The following TCERG1L variants were observed in gnomAD, a reference collection of about 807,000 sequenced individuals.
The protein encoded by TCERG1L is transcription elongation regulator 1 like.
A neutral mutation model predicts 56.3 loss-of-function variants in TCERG1L; 37 were observed. That is an observed-to-expected ratio of 0.66 (90% CI 0.51 to 0.87). TCERG1L has a LOEUF of 0.87. Ranked by LOEUF, TCERG1L falls within the 40% of genes least tolerant of loss-of-function variation. TCERG1L has a pLI of 0.00. For synonymous variants in TCERG1L, 324 were observed against 326.3 expected, an observed-to-expected ratio of 0.99 and a Z score of 0.08; for missense variants, 799 against 774.2, an observed-to-expected ratio of 1.03 and a Z score of -0.38.
At chr10:131,134,789 G>A (rs977321733) in intron 7 of TCERG1L, among the ~76,000 whole-genome samples, 2 of 152,148 alleles carry the variant, frequency 1.3e-5, no homozygotes, top group Admixed American at 6.5e-5. Flanking sequence ...TCTATGTCAT[G>A]TTCTTGAGAG....
chr10:131,106,645 G>A (rs373783625), intron 9 of TCERG1L, among the ~76,000 whole-genome samples: 114 of 152,208 alleles, frequency 7.5e-4, no homozygotes, highest in African/African-American at 2.7e-3. Context: ...AGACAGGAGA[G>A]AAGAAAATTC....
At chr10:131,186,271 G>C (rs541387323) in intron 4 of TCERG1L, among the ~76,000 whole-genome samples, 1 of 152,270 alleles carries the variant, frequency 6.6e-6, no homozygotes, top group South Asian at 2.1e-4. Flanking sequence ...AACATGTTTT[G>C]GAAGTAGATG....
At chr10:131,124,602 G>C (rs1845546424) in intron 8 of TCERG1L, among the ~76,000 whole-genome samples, 1 of 152,180 alleles carries the variant, frequency 6.6e-6, no homozygotes, top group South Asian at 2.1e-4. Flanking sequence ...CAGGAGCGGA[G>C]AGCAAGACTT....
chr10:131,297,622 T>C (rs1338554613), intron 3 of TCERG1L, among the ~76,000 whole-genome samples: 10 of 152,182 alleles, frequency 6.6e-5, no homozygotes, highest in Admixed American at 6.5e-4. Flanking sequence ...TCATTTTATT[T>C]TCTGAACAAG....
intron 5 of TCERG1L, among the ~76,000 whole-genome samples, chr10:131,163,736 C>T (rs1020552036): frequency 6.6e-6 from 1 of 152,188 alleles, no homozygotes; most frequent in African/African-American, 2.4e-5. Flanking sequence ...CCGCCCTTCC[C>T]AAACATCCAG....
rs192878169 is a variant in TCERG1L at position 131,311,483 on chromosome 10, C to T, written c.153G>A (p.Arg51=). The change falls in exon 1 of 12, where the codon CGG becomes CGA. Residue 51 remains arginine (R), a synonymous_variant. Coordinates refer to ENST00000368642, the MANE Select transcript of TCERG1L (RefSeq NM_174937.4). The surrounding 1 kb of genome is among the most constrained non-coding windows in gnomAD (Gnocchi z 4.0). Reference sequence around the variant, plus strand: ...GGGGAACCACGACCCCCGCGCTGAGCCGGAGCAGCCCGGCCGAGCCCGGCA... The same window carrying T: ...GGGGAACCACGACCCCCGCGCTGAGTCGGAGCAGCCCGGCCGAGCCCGGCA... ...WMVPGSAGLL[R]LSAGVVVPPV... 2,617 of 1,189,936 alleles carry T rather than the reference C, an allele frequency of 2.2e-3. 72 individuals carry two copies. The East Asian group carries it at 0.064, about 29-fold the overall frequency. The allele number at this position is 1,189,936 out of a possible 1,614,324, so 73.7% of individuals were successfully genotyped here.
At chr10:131,161,423 T>A (rs532801913) in intron 6 of TCERG1L, 1 of 152,372 alleles carries the variant, frequency 6.6e-6, no homozygotes, top group Non-Finnish European at 1.5e-5. Context: ...AGCAGAGGGA[T>A]GTATACGGTC....
chr10:131,285,546 G>T (rs1846527951), intron 3 of TCERG1L, among the ~76,000 whole-genome samples: 1 of 143,286 alleles, frequency 7.0e-6, no homozygotes, highest in Non-Finnish European at 1.5e-5. Flanking sequence ...AGAAAAGAAA[G>T]AAAGGAAGGA....
chr10:131,238,158 A>T (rs1407943781), intron 4 of TCERG1L, among the ~76,000 whole-genome samples: 1 of 152,084 alleles, frequency 6.6e-6, no homozygotes, highest in East Asian at 1.9e-4. Flanking sequence ...CTAGATCTGC[A>T]GTCTGGAAAG....
intron 4 of TCERG1L, among the ~76,000 whole-genome samples, chr10:131,223,612 A>G (rs1257737232): frequency 2.0e-5 from 3 of 152,018 alleles, no homozygotes; most frequent in Non-Finnish European, 4.4e-5. Flanking sequence ...CCACATGCTC[A>G]CACACACTGA....
At chr10:131,300,483 T>C (rs1386159712) in intron 3 of TCERG1L, among the ~76,000 whole-genome samples, 1 of 152,222 alleles carries the variant, frequency 6.6e-6, no homozygotes, top group Non-Finnish European at 1.5e-5. Context: ...AATTCTTGGC[T>C]GTATCACATC....
intron 8 of TCERG1L, among the ~76,000 whole-genome samples, chr10:131,123,199 C>G (rs1489605510): frequency 6.6e-6 from 1 of 152,178 alleles, no homozygotes; most frequent in Non-Finnish European, 1.5e-5. Flanking sequence ...AGGCCCCTGC[C>G]CTCACCAGGC....
intron 4 of TCERG1L, among the ~76,000 whole-genome samples, chr10:131,187,457 G>C (rs2918110): frequency 0.72 from 110,055 of 151,988 alleles, 40,428 homozygotes; most frequent in South Asian, 0.89. Context: ...ACCTGGCCAT[G>C]CTGCTCTGCT....
chr10:131,176,919 C>A (rs1207097641), intron 4 of TCERG1L, among the ~76,000 whole-genome samples: 3 of 912 alleles, frequency 3.3e-3, no homozygotes, highest in Non-Finnish European at 5.1e-3. Context: ...CACCAAGATA[C>A]ATGCACACAG....
chr10:131,262,692 T>G (rs1348237288), intron 3 of TCERG1L, among the ~76,000 whole-genome samples: 1 of 152,180 alleles, frequency 6.6e-6, no homozygotes, highest in East Asian at 1.9e-4. Context: ...TCACCCTTTG[T>G]GCTGTGCATC....
chr10:131,136,727 C>A (rs1184709738), intron 7 of TCERG1L, among the ~76,000 whole-genome samples: 1 of 151,650 alleles, frequency 6.6e-6, no homozygotes, highest in Non-Finnish European at 1.5e-5. Context: ...AACTCCTGAC[C>A]CCAAGTGATT....
rs188824569 is a variant in TCERG1L, at chr10:131,147,072, C to T, written c.1035-412G>A. Among the ~76,000 whole-genome samples, 745 of 152,270 alleles carry T rather than the reference C, an allele frequency of 4.9e-3. 8 individuals carry two copies. Among genetic ancestry groups the T allele is most frequent in the African/African-American group, 0.017 (691 of 41,558 alleles). On this transcript the variant is annotated intron_variant, in intron 6 of 11. Transcript: ENST00000368642. The stretch of plus-strand genomic sequence containing the variant: ...ATTCGGAGAGCGGCTCCCTACACTT[C>T]CCCAGTTGAGCTCTGCATGGCCATC...
Position 131,163,220 on chromosome 10 carries a change from G to A in TCERG1L, c.946-10C>T. On this transcript the variant is annotated splice_polypyrimidine_tract_variant and intron_variant, in intron 5 of 11. Coordinates refer to ENST00000368642, the MANE Select transcript of TCERG1L (RefSeq NM_174937.4). ...GCATCGGTGGAGGCTCCTTTCAACA[G>A]AAAGAGACAGGGGAGTGGCTTTTAA... is the stretch of plus-strand genomic sequence containing the variant. 1 of 1,519,362 alleles carries A rather than the reference G, an allele frequency of 6.6e-7. No homozygotes were observed. The highest frequency in any genetic ancestry group is 1.3e-5 in the South Asian group (1 of 78,214). The allele number at this position is 1,519,362 out of a possible 1,614,324, so 94.1% of individuals were successfully genotyped here.
At chr10:131,116,734 G>A in intron 9 of TCERG1L, 65 bp downstream of exon 9, 1 of 1,537,094 alleles carries the variant, frequency 6.5e-7, no homozygotes, top group Non-Finnish European at 8.7e-7. Context: ...GGCAGGGACG[G>A]CCACTCAGCT....
Sources: gnomAD v4.1 joint callset for allele counts (sites outside exome capture counted in the v4.1 genomes callset) on GRCh38, gnomAD v4.1.1 for gene constraint, Gnocchi (gnomAD v3.1) non-coding constraint, MANE v1.5 for transcripts, NCBI Gene and HGNC (gene_info 2026-07-23, HGNC 2026-07-21) for gene names.